Variants in PTCSC3 observed in about 807,000 individuals in gnomAD.
PTCSC3 encodes the protein papillary thyroid carcinoma susceptibility candidate 3, also known as papillary thyroid carcinoma susceptibility candidate 3 (non-protein coding).
At chr14:36,142,327 C>T (rs1874498870) in intron 3 of PTCSC3, among the ~76,000 whole-genome samples, 1 of 152,160 alleles carries the variant, frequency 6.6e-6, no homozygotes. Context: ...AATTTTTGAA[C>T]ATTCAATCAG....
intron 1 of PTCSC3, among the ~76,000 whole-genome samples, chr14:36,169,346 A>G (rs1307836723): frequency 6.6e-6 from 1 of 152,202 alleles, no homozygotes; most frequent in African/African-American, 2.4e-5. Flanking sequence ...ATGAATACGC[A>G]TTACCATTAT....
chr14:36,142,433 A>G (rs985752677), intron 3 of PTCSC3, among the ~76,000 whole-genome samples: 4 of 152,192 alleles, frequency 2.6e-5, no homozygotes, highest in Admixed American at 2.6e-4. Context: ...ACATTGGTAC[A>G]TGATTTTTCT....
At chr14:36,163,565 C>T (rs916529627) in intron 1 of PTCSC3, among the ~76,000 whole-genome samples, 12 of 152,230 alleles carry the variant, frequency 7.9e-5, no homozygotes, top group Middle Eastern at 3.4e-3. Context: ...TTCCAGAGGT[C>T]AGGACCACAT....
intron 3 of PTCSC3, among the ~76,000 whole-genome samples, chr14:36,145,105 A>C (rs1881529393): frequency 7.8e-6 from 1 of 128,422 alleles, no homozygotes; most frequent in African/African-American, 3.0e-5. Flanking sequence ...CATCAAGGAT[A>C]TTGGTCTAAA....
chr14:36,140,352 G>C (rs1299229636), intron 3 of PTCSC3, among the ~76,000 whole-genome samples: 1 of 152,108 alleles, frequency 6.6e-6, no homozygotes, highest in Non-Finnish European at 1.5e-5. Flanking sequence ...ATTCATCTGG[G>C]TTAAATACTT....
At chr14:36,148,326 A>G (rs573011791) in intron 3 of PTCSC3, among the ~76,000 whole-genome samples, 2,629 of 151,980 alleles carry the variant, frequency 0.017, 73 homozygotes, top group African/African-American at 0.057. Flanking sequence ...CTCCATAGGC[A>G]TAGGACCCTC....
At chr14:36,173,702 T>C (rs1882229501) in intron 1 of PTCSC3, among the ~76,000 whole-genome samples, 1 of 152,114 alleles carries the variant, frequency 6.6e-6, no homozygotes, top group South Asian at 2.1e-4. Context: ...TTAACATTCC[T>C]GGTGCCCTTT....
At chr14:36,153,633 G>A (rs893115447) in intron 3 of PTCSC3, among the ~76,000 whole-genome samples, 2 of 152,084 alleles carry the variant, frequency 1.3e-5, no homozygotes, top group South Asian at 2.1e-4. Flanking sequence ...CAACAGAAAC[G>A]CATCTATATG....
At chr14:36,157,131 T>C (rs1045293679) in intron 2 of PTCSC3, among the ~76,000 whole-genome samples, 3 of 152,200 alleles carry the variant, frequency 2.0e-5, no homozygotes, top group African/African-American at 4.8e-5. Flanking sequence ...TGGTATCACA[T>C]TGTGGTTTTG....
At chr14:36,146,962 C>T (rs1026873468) in intron 3 of PTCSC3, among the ~76,000 whole-genome samples, 1 of 152,182 alleles carries the variant, frequency 6.6e-6, no homozygotes, top group Non-Finnish European at 1.5e-5. Flanking sequence ...GTTGAAAATT[C>T]TTTCCTTTAA....
Position 36,142,236 on chromosome 14 carries a change from T to C in PTCSC3, n.323-5880A>G, listed in dbSNP as rs202069587. The stretch of plus-strand genomic sequence containing the variant: ...GCTGAGAGTTCTGATCATGAATAAA[T>C]GTTGGATTTTTCAAATGCTTTTGCT... On this transcript the variant is annotated intron_variant and non_coding_transcript_variant, in intron 3 of 3. Coordinates refer to ENST00000556013, the Ensembl canonical transcript of PTCSC3. Among the ~76,000 whole-genome samples, 3 of 152,348 alleles carry C rather than the reference T, an allele frequency of 2.0e-5. No individual in the cohort carries two copies. The East Asian group carries it at 5.8e-4, about 29-fold the overall frequency.
intron 2 of PTCSC3, among the ~76,000 whole-genome samples, chr14:36,161,371 G>A (rs956249081): frequency 3.3e-5 from 5 of 152,114 alleles, no homozygotes; most frequent in South Asian, 2.1e-4. Flanking sequence ...TCTACCTTTG[G>A]TCTTTGATGC....
intron 2 of PTCSC3, among the ~76,000 whole-genome samples, chr14:36,162,071 A>G (rs760894087): frequency 4.3e-4 from 65 of 152,172 alleles, no homozygotes; most frequent in Non-Finnish European, 8.5e-4. Context: ...ACCAAGCTCG[A>G]GTGTCCCAGG....
chr14:36,137,196 T>C (rs1029281616), intron 3 of PTCSC3, among the ~76,000 whole-genome samples: 4 of 152,136 alleles, frequency 2.6e-5, no homozygotes, highest in Non-Finnish European at 5.9e-5. Flanking sequence ...GTGTGAACGC[T>C]GCAGGTAGAG....
intron 3 of PTCSC3, among the ~76,000 whole-genome samples, chr14:36,151,555 C>T (rs191967473): frequency 6.6e-6 from 1 of 152,218 alleles, no homozygotes; most frequent in East Asian, 1.9e-4. Flanking sequence ...ATGTTCTGGC[C>T]TATTATCTTA....
At chr14:36,149,902 A>G (rs1417201116) in intron 3 of PTCSC3, among the ~76,000 whole-genome samples, 1 of 152,172 alleles carries the variant, frequency 6.6e-6, no homozygotes, top group Non-Finnish European at 1.5e-5. Context: ...TTCAGATTTC[A>G]GACTTTTTTG....
At chr14:36,167,315 T>G (rs1882108803) in intron 1 of PTCSC3, among the ~76,000 whole-genome samples, 1 of 152,176 alleles carries the variant, frequency 6.6e-6, no homozygotes, top group Non-Finnish European at 1.5e-5. Flanking sequence ...TTTTTTCCCT[T>G]TCTCTGCACA....
intron 1 of PTCSC3, among the ~76,000 whole-genome samples, chr14:36,168,370 T>C (rs1594456850): frequency 2.8e-5 from 1 of 36,312 alleles, no homozygotes; most frequent in Non-Finnish European, 1.0e-4. Flanking sequence ...AATATATATA[T>C]ATATATATAT....
chr14:36,136,409 G>T (rs1262375122), intron 3 of PTCSC3: 1 of 152,180 alleles, frequency 6.6e-6, no homozygotes, highest in Non-Finnish European at 1.5e-5. Flanking sequence ...AATTTTGGTG[G>T]TGTTTTAAAT....
Sources: gnomAD v4.1 joint callset for allele counts (sites outside exome capture counted in the v4.1 genomes callset) on GRCh38, gnomAD v4.1.1 for gene constraint, MANE v1.5 for transcripts, NCBI Gene and HGNC (gene_info 2026-07-23, HGNC 2026-07-21) for gene names.